Variants in NIBAN1 observed in about 807,000 individuals in gnomAD.
NIBAN1 encodes the protein protein Niban 1.
Under a neutral mutation model 75.1 loss-of-function variants are expected in NIBAN1, and 81 were observed. The observed-to-expected ratio is 1.08, with a 90% CI of 0.90 to 1.30. NIBAN1 has a LOEUF of 1.30. NIBAN1 is among the 50% of genes most tolerant of loss of function. The probability of loss-of-function intolerance (pLI) is 0.00; values close to 1 mark genes in which losing one functional copy is unlikely to be tolerated. For missense variants in NIBAN1, 1,133 were observed against 1,128.1 expected, an observed-to-expected ratio of 1.00 and a Z score of -0.06; for synonymous variants, 436 against 424.8, an observed-to-expected ratio of 1.03 and a Z score of -0.32.
chr1:184,905,745 G>A (rs569792066), intron 1 of NIBAN1, among the ~76,000 whole-genome samples: 1 of 152,226 alleles, frequency 6.6e-6, no homozygotes, highest in African/African-American at 2.4e-5. Flanking sequence ...TACTGCAGCT[G>A]TTCAAATATA....
intron 5 of NIBAN1, among the ~76,000 whole-genome samples, chr1:184,841,616 G>T (rs642989): frequency 0.57 from 87,239 of 152,016 alleles, 25,467 homozygotes; most frequent in African/African-American, 0.66. Flanking sequence ...TGGAACAGAG[G>T]GCTGGATTCG....
intron 9 of NIBAN1, among the ~76,000 whole-genome samples, chr1:184,815,958 T>A (rs1163136535): frequency 1.3e-5 from 2 of 152,242 alleles, no homozygotes; most frequent in African/African-American, 2.4e-5. Context: ...CAACATACTT[T>A]AAATTCTCTT....
chr1:184,823,423 TAAC>T (rs1345160893), intron 7 of NIBAN1, 94 bp from the exon 8 acceptor site: 28 of 1,480,968 alleles, frequency 1.9e-5, no homozygotes, highest in Non-Finnish European at 2.5e-5. Flanking sequence ...CAGGCCATCA[TAAC>T]AAACAGAACT....
intron 1 of NIBAN1, among the ~76,000 whole-genome samples, chr1:184,942,655 C>T (rs1051488883): frequency 6.8e-6 from 1 of 146,558 alleles, no homozygotes; most frequent in Non-Finnish European, 1.5e-5. Context: ...GATTGCCCCA[C>T]TGCACTCCGG....
chr1:184,830,394 C>T (rs934858139), intron 6 of NIBAN1, among the ~76,000 whole-genome samples: 1 of 152,142 alleles, frequency 6.6e-6, no homozygotes, highest in Non-Finnish European at 1.5e-5. Context: ...TTATGAATGG[C>T]TGTGCTTCCC....
intron 9 of NIBAN1, among the ~76,000 whole-genome samples, chr1:184,813,536 ATATAAAGAAGGT>A (rs1426679059): frequency 6.6e-6 from 1 of 152,196 alleles, no homozygotes; most frequent in Non-Finnish European, 1.5e-5. Flanking sequence ...CCCCCTAGCT[ATATAAAGAAGGT>A]TATAAAGAAA....
intron 1 of NIBAN1, among the ~76,000 whole-genome samples, chr1:184,922,792 A>G (rs956751348): frequency 6.6e-6 from 1 of 152,138 alleles, no homozygotes; most frequent in Non-Finnish European, 1.5e-5. Context: ...TTTTTAGTAG[A>G]GACAGGGTTT....
rs1261716954 is a variant in NIBAN1 at position 184,942,661 on chromosome 1, T to C, written c.55+31641A>G. On this transcript the variant is annotated intron_variant, in intron 1 of 13. Coordinates refer to ENST00000367511, the MANE Select transcript of NIBAN1 (RefSeq NM_052966.4). The stretch of plus-strand genomic sequence containing the variant: ...CTGAGCCCAGATTGCCCCACTGCAC[T>C]CCGGCCTGGGCGACAGAGCGAGACT... 3.1e-5 allele frequency among the ~76,000 whole-genome samples: 4 copies of C among 129,212 alleles called. No homozygotes were observed. The East Asian group carries it at 6.9e-4, about 22-fold the overall frequency. The allele number at this position is 129,212 out of a possible 152,430, so 84.8% of individuals were successfully genotyped here. A position where few individuals can be genotyped will look rare whatever the true frequency, so the allele number is the denominator to read the frequency against.
chr1:184,817,873 C>T (rs1048789706), intron 9 of NIBAN1, among the ~76,000 whole-genome samples: 1 of 152,248 alleles, frequency 6.6e-6, no homozygotes, highest in Non-Finnish European at 1.5e-5. Flanking sequence ...CCAATCCCAG[C>T]GGCCATACTT....
chr1:184,817,300 C>G (rs1176117515), intron 9 of NIBAN1, among the ~76,000 whole-genome samples: 1 of 152,166 alleles, frequency 6.6e-6, no homozygotes. Context: ...GGTTCCAAGT[C>G]TTTGCTATTG....
At chr1:184,813,350 A>G (rs1160957349) in intron 9 of NIBAN1, among the ~76,000 whole-genome samples, 1 of 152,180 alleles carries the variant, frequency 6.6e-6, no homozygotes, top group Non-Finnish European at 1.5e-5. Context: ...TAACTTCAGT[A>G]ATTTTTGGGA....
Position 184,798,136 on chromosome 1 carries a change from C to T in NIBAN1, c.1609G>A (p.Val537Ile), listed in dbSNP as rs142738140. Residue 537 changes from valine (V) to isoleucine (I), a missense_variant, in exon 13 of 14, where the codon GTT (valine) becomes ATT (isoleucine). Val to Ile is a conservative substitution (Grantham distance 29). Coordinates refer to ENST00000367511, the MANE Select transcript of NIBAN1 (RefSeq NM_052966.4). ...IFADHTNMIHVENVYEEILHQ... is the reference protein window; with the variant it reads ...IFADHTNMIHIENVYEEILHQ... ...AAAATCTCCTCATAGACATTTTCAA[C>T]GTGAATCATATTGGTATGATCTGCA... 3.3e-5 allele frequency: 53 copies of T among 1,611,786 alleles called. No homozygotes were observed. Among genetic ancestry groups the T allele is most frequent in the East Asian group, 1.3e-4 (6 of 44,846 alleles).
Position 184,791,521 on chromosome 1 carries a change from A to C in NIBAN1, c.*3456T>G, listed in dbSNP as rs1307700202. 3 of 148,934 alleles carry C rather than the reference A, an allele frequency of 2.0e-5. No individual in the cohort carries two copies. The highest frequency in any genetic ancestry group is 1.3e-4 in the Admixed American group (2 of 14,954). 9.2% of individuals were successfully genotyped at this position (148,934 alleles called of 1,614,324 possible). On this transcript the variant is annotated 3_prime_UTR_variant, in exon 14 of 14. Coordinates refer to ENST00000367511, the MANE Select transcript of NIBAN1 (RefSeq NM_052966.4). The stretch of plus-strand genomic sequence containing the variant: ...TTTTTTTTTTTAAAGAAAGTTTACT[A>C]TGTGTAATGCAAGGCACTTATGTCT...
At position 184,917,297 on chromosome 1, in the gene NIBAN1, C is replaced by T. The variant is rs542294608; in HGVS notation, c.56-17988G>A. On this transcript the variant is annotated intron_variant, in intron 1 of 13. Transcript: ENST00000367511. ...TCAGCTCATTGCAAGCTCCACCTCC[C>T]GGGTTCATGCCATTCTGCCTCAGCC... Among the ~76,000 whole-genome samples the T allele has an allele frequency of 4.0e-5, 6 of 151,606 alleles. No homozygotes were observed. In the East Asian group the frequency reaches 7.7e-4, roughly 20 times the overall value.
At chr1:184,957,833 G>T (rs112792438) in intron 1 of NIBAN1, among the ~76,000 whole-genome samples, 1 of 152,108 alleles carries the variant, frequency 6.6e-6, no homozygotes, top group Non-Finnish European at 1.5e-5. Context: ...AAAGGTGAAA[G>T]CTCCATTTAT....
chr1:184,893,981 G>T, intron 3 of NIBAN1, 94 bp downstream of exon 3: 2 of 1,317,026 alleles, frequency 1.5e-6, no homozygotes, highest in Non-Finnish European at 1.0e-6. Context: ...GATTTTGTTA[G>T]TATAGCCTTG....
chr1:184,814,806 A>T (rs1198518583), intron 9 of NIBAN1, among the ~76,000 whole-genome samples: 3 of 152,236 alleles, frequency 2.0e-5, no homozygotes, highest in African/African-American at 7.2e-5. Flanking sequence ...ATGATAAACC[A>T]TTAGTTATCA....
chr1:184,791,634 G>A lies in NIBAN1; in HGVS notation c.*3343C>T, dbSNP rs1290299603. On this transcript the variant is annotated 3_prime_UTR_variant, in exon 14 of 14. Transcript: ENST00000367511. ...TCTGTGAAAGGTCAGTAGTAAAAGA[G>A]CTAGTTTAAAGTCATGGAGTTTTTG... is the stretch of plus-strand genomic sequence containing the variant. 6.6e-6 allele frequency: 1 copy of A among 151,986 alleles called. No homozygotes were observed. Among genetic ancestry groups the A allele is most frequent in the Non-Finnish European group, 1.5e-5 (1 of 68,020 alleles). 9.4% of individuals were successfully genotyped at this position (151,986 alleles called of 1,614,324 possible). A position where few individuals can be genotyped will look rare whatever the true frequency, so the allele number is the denominator to read the frequency against.
chr1:184,818,601 G>A lies in NIBAN1; in HGVS notation c.1173+37C>T, dbSNP rs1235850205. The A allele has an allele frequency of 2.6e-6, 4 of 1,518,612 alleles. No homozygotes were observed. In the East Asian group the frequency reaches 7.0e-5, roughly 26 times the overall value. 94.1% of individuals were successfully genotyped at this position (1,518,612 alleles called of 1,614,324 possible). Reference sequence around the variant, plus strand: ...GCCCCATGGAAAACACAGCCAGGCAGACCATTCACACCCAGCTCCTCAGCT... The same window carrying A: ...GCCCCATGGAAAACACAGCCAGGCAAACCATTCACACCCAGCTCCTCAGCT... On this transcript the variant is annotated intron_variant, in intron 9 of 13. Transcript: ENST00000367511.
Sources: gnomAD v4.1 joint callset for allele counts (sites outside exome capture counted in the v4.1 genomes callset) on GRCh38, gnomAD v4.1.1 for gene constraint, MANE v1.5 for transcripts, NCBI Gene and HGNC (gene_info 2026-07-23, HGNC 2026-07-21) for gene names.